Variants in FOXP2 observed in about 807,000 individuals in gnomAD.
The protein encoded by FOXP2 is forkhead box P2.
In FOXP2, 12 loss-of-function variants were observed where a neutral mutation model predicts 115.8. The ratio of observed to expected loss-of-function variants is 0.10; its 90% CI spans 0.07 to 0.17. FOXP2 has a LOEUF of 0.17. Among genes scored for constraint, FOXP2 ranks in the 10% least tolerant of loss-of-function variants. FOXP2 has a pLI of 1.00. For synonymous variants in FOXP2, 328 were observed against 297.7 expected (o/e 1.10, Z -1.05); for missense variants, 629 against 843.5 (o/e 0.75, Z 3.15).
At chr7:114,625,930 C>T (rs894770682) in intron 3 of FOXP2, among the ~76,000 whole-genome samples, 2 of 151,650 alleles carry the variant, frequency 1.3e-5, no homozygotes, top group African/African-American at 4.8e-5. Flanking sequence ...CTTTTGTACA[C>T]ATAGAAGTAG....
At chr7:114,132,569 GT>G (rs1791912803) in intron 1 of FOXP2, among the ~76,000 whole-genome samples, 1 of 135,374 alleles carries the variant, frequency 7.4e-6, no homozygotes, top group Non-Finnish European at 1.6e-5. Context: ...GTGTGTGTGT[GT>G]GTGTGTGTGT....
At chr7:114,231,358 A>G (rs923538514) in intron 1 of FOXP2, among the ~76,000 whole-genome samples, 3 of 152,176 alleles carry the variant, frequency 2.0e-5, no homozygotes, top group African/African-American at 7.2e-5. Flanking sequence ...TGTTACAGAT[A>G]TAGAACAAGC....
chr7:114,536,706 A>G (rs1799416634), intron 3 of FOXP2, among the ~76,000 whole-genome samples: 1 of 151,424 alleles, frequency 6.6e-6, no homozygotes, highest in Non-Finnish European at 1.5e-5. Flanking sequence ...TTTGTGATGC[A>G]TATTAATCTG....
intron 2 of FOXP2, among the ~76,000 whole-genome samples, chr7:114,293,657 G>C (rs1796665275): frequency 6.6e-6 from 1 of 152,186 alleles, no homozygotes; most frequent in Admixed American, 6.5e-5. Flanking sequence ...TCTTGTGATA[G>C]TGAGTTCTCA....
intron 2 of FOXP2, among the ~76,000 whole-genome samples, chr7:114,380,586 T>A (rs1792265601): frequency 6.6e-6 from 1 of 152,248 alleles, no homozygotes; most frequent in Non-Finnish European, 1.5e-5. Flanking sequence ...TATCTTTTCT[T>A]CATTGTCTGG....
At chr7:114,382,169 G>T (rs551643480) in intron 2 of FOXP2, among the ~76,000 whole-genome samples, 1 of 152,122 alleles carries the variant, frequency 6.6e-6, no homozygotes, top group Non-Finnish European at 1.5e-5. Context: ...AGGACCCTTC[G>T]GACAGTGACA....
chr7:114,473,497 A>G lies in FOXP2; in HGVS notation c.168+46818A>G, dbSNP rs532791491. 4.6e-5 allele frequency among the ~76,000 whole-genome samples: 7 copies of G among 152,288 alleles called. No individual in the cohort carries two copies. In the South Asian group the frequency reaches 1.0e-3, roughly 23 times the overall value. On this transcript the variant is annotated intron_variant, in intron 2 of 16. Coordinates refer to ENST00000350908, the MANE Select transcript of FOXP2 (RefSeq NM_014491.4). ...GAGTGTAAGTATGGTAGATTCAAAG[A>G]TCTAGTTTTGAGTTTAATTAAACTT...
At position 114,423,064 on chromosome 7, in the gene FOXP2, G is replaced by A. The variant is rs1004885538; in HGVS notation, c.-10-3438G>A. 2.6e-5 allele frequency among the ~76,000 whole-genome samples: 4 copies of A among 151,826 alleles called. No homozygotes were observed. In the East Asian group the frequency reaches 7.8e-4, roughly 30 times the overall value. On this transcript the variant is annotated intron_variant, in intron 1 of 16. Transcript: ENST00000350908. ...TTGTGCACGCTTTATTCAAGATTATGGCTGCAAGAAATGGCATGAATTGCT... is the reference window on the plus strand; with the variant it reads ...TTGTGCACGCTTTATTCAAGATTATAGCTGCAAGAAATGGCATGAATTGCT...
At chr7:114,449,399 A>G (rs184010999) in intron 2 of FOXP2, among the ~76,000 whole-genome samples, 130 of 152,232 alleles carry the variant, frequency 8.5e-4, no homozygotes, top group African/African-American at 3.0e-3. Context: ...TCACAATTAT[A>G]TTTAAATGTA....
intron 2 of FOXP2, among the ~76,000 whole-genome samples, chr7:114,505,124 G>T (rs1052032597): frequency 6.6e-6 from 1 of 150,724 alleles, no homozygotes; most frequent in Non-Finnish European, 1.5e-5. Context: ...TCTTTTTTTG[G>T]AATAAAACCT....
chr7:114,389,177 G>A (rs1433745193), intron 2 of FOXP2, among the ~76,000 whole-genome samples: 1 of 152,146 alleles, frequency 6.6e-6, no homozygotes, highest in Non-Finnish European at 1.5e-5. Flanking sequence ...TTATTTTAGT[G>A]TATCCTGATG....
chr7:114,099,043 G>T (rs1048896305), intron 1 of FOXP2, among the ~76,000 whole-genome samples: 1 of 152,128 alleles, frequency 6.6e-6, no homozygotes, highest in East Asian at 1.9e-4. Flanking sequence ...GCTGGGGTGG[G>T]AGGATCGCTT....
At chr7:114,559,813 T>C (rs1328204358) in intron 3 of FOXP2, among the ~76,000 whole-genome samples, 1 of 150,164 alleles carries the variant, frequency 6.7e-6, no homozygotes, top group African/African-American at 2.5e-5. Flanking sequence ...GGCGTGAACC[T>C]GGCAGGCAGA....
intron 2 of FOXP2, among the ~76,000 whole-genome samples, chr7:114,448,566 CT>C (rs1480655155): frequency 1.3e-5 from 2 of 152,108 alleles, no homozygotes; most frequent in Non-Finnish European, 2.9e-5. Context: ...TCCTTTCCTG[CT>C]ACACCCATAG....
At chr7:114,506,516 T>C (rs903779691) in intron 2 of FOXP2, among the ~76,000 whole-genome samples, 2 of 151,672 alleles carry the variant, frequency 1.3e-5, no homozygotes, top group Admixed American at 1.3e-4. Context: ...ATTGTATTAA[T>C]CACTTTCATG....
At chr7:114,603,838 T>A (rs901553729) in intron 3 of FOXP2, among the ~76,000 whole-genome samples, 1 of 152,208 alleles carries the variant, frequency 6.6e-6, no homozygotes, top group Non-Finnish European at 1.5e-5. Context: ...ACGAAATTAT[T>A]TATTGATATT....
At chr7:114,208,603 C>A (rs1794260264) in intron 1 of FOXP2, among the ~76,000 whole-genome samples, 1 of 151,882 alleles carries the variant, frequency 6.6e-6, no homozygotes. Context: ...GCTGTGTCCC[C>A]ACTCAAATCT....
intron 2 of FOXP2, among the ~76,000 whole-genome samples, chr7:114,298,264 C>T (rs1451242338): frequency 6.6e-6 from 1 of 152,122 alleles, no homozygotes; most frequent in Non-Finnish European, 1.5e-5. Flanking sequence ...TGTGCTCACC[C>T]TTGACTTCTC....
chr7:114,637,016 A>C (rs1805258538), intron 6 of FOXP2, among the ~76,000 whole-genome samples: 2 of 152,238 alleles, frequency 1.3e-5, no homozygotes, highest in Non-Finnish European at 2.9e-5. Flanking sequence ...TTTACAAAAA[A>C]TAAAATAATT....
Sources: gnomAD v4.1 joint callset for allele counts (sites outside exome capture counted in the v4.1 genomes callset) on GRCh38, gnomAD v4.1.1 for gene constraint, MANE v1.5 for transcripts, NCBI Gene and HGNC (gene_info 2026-07-23, HGNC 2026-07-21) for gene names.